Variants in HDAC9 observed in about 807,000 individuals in gnomAD.
The protein encoded by HDAC9 is histone deacetylase 9, also known as MEF-2 interacting transcription repressor (MITR) protein.
HDAC9 carries 41 observed loss-of-function variants against 139.4 expected under a neutral mutation model. The observed-to-expected ratio is 0.29, with a 90% CI of 0.23 to 0.38. The LOEUF (loss-of-function observed/expected upper bound fraction) is 0.38. HDAC9 is among the 10% of genes least tolerant of loss of function. The pLI is 1.00. For synonymous variants in HDAC9, 517 were observed against 476.2 expected, an observed-to-expected ratio of 1.09 and a Z score of -1.12; for missense variants, 1,147 against 1,297.0, an observed-to-expected ratio of 0.88 and a Z score of 1.78.
intron 25 of HDAC9, among the ~76,000 whole-genome samples, chr7:18,992,315 A>G (rs1786046615): frequency 3.3e-5 from 5 of 152,250 alleles, no homozygotes; most frequent in Admixed American, 2.6e-4. Flanking sequence ...GATGCCACGT[A>G]GAAGTTACCA....
chr7:18,666,126 A>G (rs1175062692), intron 11 of HDAC9, 87 bp from the exon 12 acceptor site: 9 of 1,322,030 alleles, frequency 6.8e-6, no homozygotes, highest in South Asian at 1.4e-5. Flanking sequence ...ATCACAGTGT[A>G]TGAGTTATTA....
chr7:19,001,319 G>A lies in HDAC9; in HGVS notation c.*5257G>A, dbSNP rs778235843. The A allele has an allele frequency of 1.3e-5, 2 of 152,020 alleles. No individual in the cohort carries two copies. Among genetic ancestry groups the A allele is most frequent in the Non-Finnish European group, 2.9e-5 (2 of 67,960 alleles). The allele number at this position is 152,020 out of a possible 1,614,324, so 9.4% of individuals were successfully genotyped here. On this transcript the variant is annotated 3_prime_UTR_variant, in exon 26 of 26. Coordinates refer to ENST00000686413, the MANE Select transcript of HDAC9 (RefSeq NM_178425.4). ...TTTCCAGACTTTTTAAAGCAAATTG[G>A]AATCGTTTTATTTTTTTGTTTGGGC...
chr7:18,392,348 CA>C (rs1786598105), intron 1 of HDAC9, among the ~76,000 whole-genome samples: 1 of 150,866 alleles, frequency 6.6e-6, no homozygotes, highest in African/African-American at 2.5e-5. Flanking sequence ...CACACACACA[CA>C]CACTGTCTAT....
chr7:18,929,782 A>G (rs1325270310), intron 22 of HDAC9, among the ~76,000 whole-genome samples: 1 of 152,080 alleles, frequency 6.6e-6, no homozygotes, highest in East Asian at 1.9e-4. Flanking sequence ...TCTACTAAAA[A>G]TACAAAAATT....
At chr7:18,387,850 C>A (rs1193597891) in intron 1 of HDAC9, among the ~76,000 whole-genome samples, 1 of 151,102 alleles carries the variant, frequency 6.6e-6, no homozygotes, top group African/African-American at 2.4e-5. Context: ...GACAGTAAAG[C>A]AATAAATTTT....
chr7:18,629,433 G>T lies in HDAC9; in HGVS notation c.748G>T (p.Asp250Tyr). ...RRSSPLLRRK[D>Y]GNVVTSFKKR... ...AAGCAGCCCCTTACTCAGGCGGAAG[G>T]ATGGAAATGTTGTCACTTCATTCAA... is the stretch of plus-strand genomic sequence containing the variant. The change falls in exon 7 of 26, where the codon GAT becomes TAT. Residue 250 changes from aspartate (D) to tyrosine (Y), a missense_variant. Asp to Tyr is a radical substitution (Grantham distance 160). Transcript: ENST00000686413. The T allele has an allele frequency of 1.9e-6, 3 of 1,612,402 alleles. No homozygotes were observed. The highest frequency in any genetic ancestry group is 1.1e-5 in the South Asian group (1 of 90,948).
chr7:18,399,925 C>G (rs1292831060), intron 1 of HDAC9, among the ~76,000 whole-genome samples: 1 of 152,192 alleles, frequency 6.6e-6, no homozygotes, highest in Non-Finnish European at 1.5e-5. Context: ...CGAGGATGCA[C>G]AGCAGCAATG....
intron 2 of HDAC9, among the ~76,000 whole-genome samples, chr7:18,266,262 T>G (rs1292579324): frequency 8.5e-5 from 13 of 152,202 alleles, no homozygotes; most frequent in Admixed American, 8.5e-4. Flanking sequence ...TTCAAAAATT[T>G]AAAGTTTTCC....
At chr7:18,148,751 C>T (rs979569544) in intron 1 of HDAC9, among the ~76,000 whole-genome samples, 8 of 152,084 alleles carry the variant, frequency 5.3e-5, no homozygotes, top group African/African-American at 1.9e-4. Flanking sequence ...TGAGCCACCA[C>T]ATCTGGCCTC....
At chr7:18,929,038 C>G (rs1804490959) in intron 22 of HDAC9, among the ~76,000 whole-genome samples, 2 of 151,862 alleles carry the variant, frequency 1.3e-5, no homozygotes, top group African/African-American at 2.4e-5. Flanking sequence ...CCACTATTCT[C>G]TGGGAACTAT....
At chr7:18,719,501 A>G (rs899136399) in intron 12 of HDAC9, among the ~76,000 whole-genome samples, 1 of 151,428 alleles carries the variant, frequency 6.6e-6, no homozygotes, top group Non-Finnish European at 1.5e-5. Context: ...CACCACGCCC[A>G]GCTAATTTTT....
intron 13 of HDAC9, among the ~76,000 whole-genome samples, chr7:18,740,704 A>C (rs896347320): frequency 3.3e-5 from 5 of 152,248 alleles, no homozygotes; most frequent in African/African-American, 1.2e-4. Flanking sequence ...AAAGCTAGAA[A>C]TGATTAAGCT....
intron 1 of HDAC9, among the ~76,000 whole-genome samples, chr7:18,130,339 G>T (rs530910168): frequency 4.6e-5 from 7 of 152,196 alleles, no homozygotes; most frequent in African/African-American, 1.4e-4. Context: ...AGGACTCAAA[G>T]AATTGAAAGG....
intron 2 of HDAC9, among the ~76,000 whole-genome samples, chr7:18,260,852 A>T (rs955605700): frequency 6.6e-6 from 1 of 152,166 alleles, no homozygotes; most frequent in African/African-American, 2.4e-5. Context: ...CTTCCTGGAA[A>T]CTGACTTTGG....
At chr7:18,752,803 G>C (rs1253799350) in intron 14 of HDAC9, among the ~76,000 whole-genome samples, 1 of 152,086 alleles carries the variant, frequency 6.6e-6, no homozygotes, top group Non-Finnish European at 1.5e-5. Context: ...GCCGTCTTTG[G>C]GAACTATTCT....
chr7:18,711,573 A>T (rs1043715267), intron 12 of HDAC9, among the ~76,000 whole-genome samples: 2 of 152,178 alleles, frequency 1.3e-5, no homozygotes, highest in Non-Finnish European at 1.5e-5. Flanking sequence ...GAGAGCCACC[A>T]ATACCAGCTG....
chr7:18,406,432 G>A (rs1788011807), intron 1 of HDAC9, among the ~76,000 whole-genome samples: 2 of 150,208 alleles, frequency 1.3e-5, no homozygotes, highest in Non-Finnish European at 3.0e-5. Context: ...TCGCTCTGTC[G>A]CCCGGGCTGG....
intron 21 of HDAC9, among the ~76,000 whole-genome samples, chr7:18,857,838 A>AAATGGGAATGTGACATTCCCATTTTC (rs1187643178): frequency 1.7e-4 from 26 of 152,248 alleles, no homozygotes; most frequent in Admixed American, 4.6e-4. Flanking sequence ...TTTTGTTTTC[A>AAATGGGAATGTGACATTCCCATTTTC]AATGGGAATG....
chr7:18,263,109 G>T (rs1795783713), intron 2 of HDAC9, among the ~76,000 whole-genome samples: 1 of 152,064 alleles, frequency 6.6e-6, no homozygotes, highest in Admixed American at 6.5e-5. Flanking sequence ...CTATGTAAGA[G>T]ACACATATGA....
Sources: allele counts gnomAD v4.1 joint callset (sites outside exome capture counted in the v4.1 genomes callset), GRCh38; gene constraint gnomAD v4.1.1; transcripts MANE v1.5; gene names NCBI Gene and HGNC (gene_info 2026-07-23, HGNC 2026-07-21).